MYO3A: variants seen among roughly 807,000 people sequenced by gnomAD.
MYO3A encodes the protein myosin-IIIa.
In MYO3A, 180 loss-of-function variants were observed where a neutral mutation model predicts 192.7. The ratio of observed to expected loss-of-function variants is 0.93; its 90% CI spans 0.83 to 1.06. The LOEUF (loss-of-function observed/expected upper bound fraction) is 1.06, where lower values mean the gene tolerates loss of function less well. MYO3A is among the 50% of genes least tolerant of loss of function. The pLI, the probability that MYO3A is intolerant of heterozygous loss-of-function variation, is 0.00. For missense variants in MYO3A, 1,896 were observed against 1,905.0 expected (o/e 1.00, Z 0.09); for synonymous variants, 628 against 645.3 (o/e 0.97, Z 0.41).
intron 17 of MYO3A, among the ~76,000 whole-genome samples, chr10:26,105,037 T>G (rs1837713424): frequency 6.6e-6 from 1 of 152,106 alleles, no homozygotes; most frequent in African/African-American, 2.4e-5. Flanking sequence ...TCACCAAATA[T>G]ATCACTGAAT....
intron 29 of MYO3A, among the ~76,000 whole-genome samples, chr10:26,172,519 G>T (rs1842099355): frequency 6.6e-6 from 1 of 152,188 alleles, no homozygotes; most frequent in Non-Finnish European, 1.5e-5. Flanking sequence ...CTTCACCAGT[G>T]AAATGCATTT....
chr10:25,975,381 T>C (rs1317334067), intron 4 of MYO3A, among the ~76,000 whole-genome samples: 2 of 152,152 alleles, frequency 1.3e-5, no homozygotes, highest in Admixed American at 1.3e-4. Context: ...AATTAAATAA[T>C]GGAGCAAGTA....
intron 21 of MYO3A, among the ~76,000 whole-genome samples, chr10:26,144,160 A>T (rs1427297231): frequency 6.6e-6 from 1 of 152,082 alleles, no homozygotes; most frequent in South Asian, 2.1e-4. Context: ...ATTTTAAAAG[A>T]TCACCATTCA....
intron 17 of MYO3A, among the ~76,000 whole-genome samples, chr10:26,108,961 A>G (rs1419217161): frequency 6.6e-6 from 1 of 152,170 alleles, no homozygotes; most frequent in African/African-American, 2.4e-5. Flanking sequence ...GTCCATCAAG[A>G]TCTTAGAAAT....
At chr10:26,002,037 C>T (rs1840860233) in intron 6 of MYO3A, among the ~76,000 whole-genome samples, 1 of 152,158 alleles carries the variant, frequency 6.6e-6, no homozygotes, top group Admixed American at 6.5e-5. Flanking sequence ...CCAAGAGAGA[C>T]TGAACCCTAT....
chr10:26,192,716 C>T lies in MYO3A; in HGVS notation c.4439-489C>T, dbSNP rs60304200. On this transcript the variant is annotated intron_variant, in intron 31 of 34. Transcript: ENST00000642920. The stretch of plus-strand genomic sequence containing the variant: ...TCACCCAGGCTGGAATGCAATGGCA[C>T]GGTCTTTACTCATTGCAACCTCTGC... Among the ~76,000 whole-genome samples the T allele has an allele frequency of 1.2e-3, 173 of 145,740 alleles. 1 individual carries two copies. Among genetic ancestry groups the T allele is most frequent in the African/African-American group, 4.1e-3 (164 of 39,680 alleles).
chr10:26,156,722 A>G (rs1374841661), intron 25 of MYO3A, among the ~76,000 whole-genome samples: 2 of 152,088 alleles, frequency 1.3e-5, no homozygotes, highest in African/African-American at 4.8e-5. Flanking sequence ...TTCAGGGGTA[A>G]ATGTGCAGTT....
chr10:26,161,149 T>C (rs1440413385), intron 26 of MYO3A, among the ~76,000 whole-genome samples: 2 of 152,332 alleles, frequency 1.3e-5, no homozygotes, highest in East Asian at 3.9e-4. Context: ...TCTGTGTCAC[T>C]AATTTGGAAG....
chr10:26,147,381 GGAT>G (rs1840533172), intron 22 of MYO3A, 46 bp from the exon 23 acceptor site: 2 of 1,507,256 alleles, frequency 1.3e-6, no homozygotes, highest in South Asian at 1.1e-5. Context: ...AGGAGGAGGA[GGAT>G]GACAATGACA....
At position 26,092,746 on chromosome 10, in the gene MYO3A, A is replaced by G. The variant is rs144538523; in HGVS notation, c.1563-3635A>G. On this transcript the variant is annotated intron_variant, in intron 15 of 34. Coordinates refer to ENST00000642920, the MANE Select transcript of MYO3A (RefSeq NM_017433.5). Reference sequence around the variant, plus strand: ...ATCCACAAGTAGGAATGAGGCCACAATAAGAGAAATTATATTTGGTAACTT... The same window carrying G: ...ATCCACAAGTAGGAATGAGGCCACAGTAAGAGAAATTATATTTGGTAACTT... Among the ~76,000 whole-genome samples the G allele has an allele frequency of 3.3e-5, 5 of 152,314 alleles. No individual in the cohort carries two copies. In the East Asian group the frequency reaches 7.7e-4, roughly 24 times the overall value.
intron 18 of MYO3A, among the ~76,000 whole-genome samples, chr10:26,122,821 G>C (rs1284488464): frequency 6.6e-6 from 1 of 152,072 alleles, no homozygotes; most frequent in Admixed American, 6.6e-5. Context: ...GTTTTATAAA[G>C]TATTGTGCTT....
chr10:26,195,574 T>C (rs919450117), intron 32 of MYO3A, among the ~76,000 whole-genome samples: 2 of 152,238 alleles, frequency 1.3e-5, no homozygotes, highest in Admixed American at 6.5e-5. Context: ...TTCCAGCCTC[T>C]GTGCTTGATA....
At chr10:26,158,206 CAT>C (rs1432431652) in intron 26 of MYO3A, among the ~76,000 whole-genome samples, 2 of 151,924 alleles carry the variant, frequency 1.3e-5, no homozygotes, top group African/African-American at 2.4e-5. Context: ...AAAAAGCTAA[CAT>C]AAATTTTTTT....
At chr10:25,988,994 G>A (rs1395999499) in intron 4 of MYO3A, among the ~76,000 whole-genome samples, 2 of 135,456 alleles carry the variant, frequency 1.5e-5, no homozygotes, top group South Asian at 2.3e-4. Flanking sequence ...TCGCTCTGTC[G>A]CCTAGGCTGG....
At chr10:26,050,891 T>G (rs912470467) in intron 10 of MYO3A, among the ~76,000 whole-genome samples, 3 of 152,234 alleles carry the variant, frequency 2.0e-5, no homozygotes, top group Non-Finnish European at 4.4e-5. Context: ...AAGTTACTCC[T>G]CTTAACAGGT....
At chr10:26,206,096 T>TG (rs1843922850) in intron 34 of MYO3A, among the ~76,000 whole-genome samples, 3 of 151,664 alleles carry the variant, frequency 2.0e-5, no homozygotes, top group African/African-American at 7.3e-5. Flanking sequence ...AGTCTCGCTC[T>TG]GTCATCTAAG....
At chr10:25,952,368 C>A in intron 3 of MYO3A, 90 bp downstream of exon 3, 2 of 1,324,666 alleles carry the variant, frequency 1.5e-6, no homozygotes, top group South Asian at 1.3e-5. Context: ...TTATTCATCA[C>A]AATAGCAGTC....
chr10:26,030,283 A>G (rs1012635577), intron 10 of MYO3A, among the ~76,000 whole-genome samples: 2 of 151,936 alleles, frequency 1.3e-5, no homozygotes, highest in African/African-American at 4.8e-5. Context: ...GGTCGTCTCT[A>G]ATGCTCATCT....
chr10:26,196,883 T>C (rs2132173156), intron 32 of MYO3A, among the ~76,000 whole-genome samples: 1 of 152,368 alleles, frequency 6.6e-6, no homozygotes, highest in Admixed American at 6.5e-5. Context: ...TGTGTAATGA[T>C]CAAATCAGGA....
Sources: gnomAD v4.1 joint callset for allele counts (sites outside exome capture counted in the v4.1 genomes callset) on GRCh38, gnomAD v4.1.1 for gene constraint, MANE v1.5 for transcripts, NCBI Gene and HGNC (gene_info 2026-07-23, HGNC 2026-07-21) for gene names.